The following CNTNAP2 variants were observed in gnomAD, a reference collection of about 807,000 sequenced individuals.
The protein encoded by CNTNAP2 is contactin-associated protein-like 2.
In CNTNAP2, 98 loss-of-function variants were observed where a neutral mutation model predicts 155.2. The ratio of observed to expected loss-of-function variants is 0.63; its 90% CI spans 0.54 to 0.75. The LOEUF (loss-of-function observed/expected upper bound fraction) is 0.75, where lower values mean the gene tolerates loss of function less well. Ranked by LOEUF, CNTNAP2 falls within the 30% of genes least tolerant of loss-of-function variation. CNTNAP2 has a pLI of 0.00. For synonymous variants in CNTNAP2, 651 were observed against 631.2 expected (o/e 1.03, Z -0.47); for missense variants, 1,727 against 1,688.1 (o/e 1.02, Z -0.40).
chr7:146,370,275 A>G (rs1584893229), intron 1 of CNTNAP2, among the ~76,000 whole-genome samples: 1 of 140,378 alleles, frequency 7.1e-6, no homozygotes, highest in Non-Finnish European at 1.6e-5. Context: ...AAAAAAAAAA[A>G]AAAAAAAAAA....
At chr7:146,289,583 C>T (rs1438472918) in intron 1 of CNTNAP2, among the ~76,000 whole-genome samples, 1 of 152,120 alleles carries the variant, frequency 6.6e-6, no homozygotes, top group Non-Finnish European at 1.5e-5. Flanking sequence ...TCAACAGGTA[C>T]AAGTCAAATT....
chr7:147,957,201 T>A (rs1387592187), intron 14 of CNTNAP2, among the ~76,000 whole-genome samples: 1 of 152,202 alleles, frequency 6.6e-6, no homozygotes, highest in Non-Finnish European at 1.5e-5. Context: ...TTAGCATGGG[T>A]TAGCAGAGAA....
chr7:146,782,506 T>C (rs764354252), intron 2 of CNTNAP2, among the ~76,000 whole-genome samples: 1 of 152,206 alleles, frequency 6.6e-6, no homozygotes, highest in Non-Finnish European at 1.5e-5. Flanking sequence ...AGGACAAGCA[T>C]GGGATTAGCA....
At chr7:146,541,687 T>C (rs577645945) in intron 1 of CNTNAP2, among the ~76,000 whole-genome samples, 4 of 152,008 alleles carry the variant, frequency 2.6e-5, no homozygotes, top group Admixed American at 2.6e-4. Context: ...GTAAAAGATA[T>C]ATATCCAGGG....
intron 13 of CNTNAP2, among the ~76,000 whole-genome samples, chr7:147,805,706 C>G (rs1325950835): frequency 6.6e-6 from 1 of 152,116 alleles, no homozygotes; most frequent in African/African-American, 2.4e-5. Flanking sequence ...GTCCTTCATT[C>G]TATTGATGTG....
At chr7:146,152,666 GATAAA>G (rs748021184) in intron 1 of CNTNAP2, among the ~76,000 whole-genome samples, 4 of 151,982 alleles carry the variant, frequency 2.6e-5, no homozygotes, top group Non-Finnish European at 4.4e-5. Flanking sequence ...TTTAAAATAA[GATAAA>G]ATAAAATAAT....
intron 9 of CNTNAP2, among the ~76,000 whole-genome samples, chr7:147,325,120 T>A (rs35008970): frequency 0.035 from 5,258 of 152,142 alleles, 123 homozygotes; most frequent in South Asian, 0.052. Context: ...CTGGCCAATA[T>A]GGTGAAACTC....
Position 147,829,244 on chromosome 7 carries a change from A to G in CNTNAP2, c.2099-74321A>G, listed in dbSNP as rs188667394. The stretch of plus-strand genomic sequence containing the variant: ...AGATGGGGTTGAGCAGCAGATGGAA[A>G]GATCCTGTTTAGGATATGCAGAATC... On this transcript the variant is annotated intron_variant, in intron 13 of 23. Coordinates refer to ENST00000361727, the MANE Select transcript of CNTNAP2 (RefSeq NM_014141.6). Among the ~76,000 whole-genome samples, 19 of 152,302 alleles carry G rather than the reference A, an allele frequency of 1.2e-4. No individual in the cohort carries two copies. The East Asian group carries it at 2.5e-3, about 20-fold the overall frequency.
chr7:146,600,645 T>C (rs1798936987), intron 1 of CNTNAP2, among the ~76,000 whole-genome samples: 2 of 152,186 alleles, frequency 1.3e-5, no homozygotes, highest in South Asian at 4.1e-4. Context: ...CATGCGTATG[T>C]ATTCTGTACC....
At chr7:147,587,880 G>A (rs1017128917) in intron 12 of CNTNAP2, among the ~76,000 whole-genome samples, 4 of 152,110 alleles carry the variant, frequency 2.6e-5, no homozygotes, top group Admixed American at 1.3e-4. Context: ...TTATTTAAAA[G>A]TATATTATGT....
At chr7:148,123,656 G>A (rs1804649960) in intron 16 of CNTNAP2, among the ~76,000 whole-genome samples, 2 of 149,548 alleles carry the variant, frequency 1.3e-5, no homozygotes, top group Admixed American at 1.3e-4. Context: ...AGGAAGGAAG[G>A]AAGGAAGGAA....
intron 15 of CNTNAP2, among the ~76,000 whole-genome samples, chr7:148,025,213 T>C (rs1002805544): frequency 1.3e-5 from 2 of 152,202 alleles, no homozygotes; most frequent in African/African-American, 2.4e-5. Context: ...AATATCCATA[T>C]GGTCAAAACC....
intron 18 of CNTNAP2, among the ~76,000 whole-genome samples, chr7:148,196,097 G>A (rs1254120760): frequency 1.3e-5 from 2 of 152,198 alleles, no homozygotes; most frequent in Non-Finnish European, 2.9e-5. Flanking sequence ...AACACAAACA[G>A]CATTTTTAAA....
In CNTNAP2 at chr7:146,272,581, G is replaced by A. The variant is rs78002940; in HGVS notation, c.97+155608G>A. 1.5e-3 allele frequency among the ~76,000 whole-genome samples: 222 copies of A among 152,142 alleles called. 1 individual carries two copies. The highest frequency in any genetic ancestry group is 0.014 in the Middle Eastern group (4 of 294). On this transcript the variant is annotated intron_variant, in intron 1 of 23. Coordinates refer to ENST00000361727, the MANE Select transcript of CNTNAP2 (RefSeq NM_014141.6). ...TAAGATGTGACCTATCCTTTAACTCGGCAATTCCACTATTGTGAATTAATC... is the reference window on the plus strand; with the variant it reads ...TAAGATGTGACCTATCCTTTAACTCAGCAATTCCACTATTGTGAATTAATC...
chr7:147,029,067 C>T (rs1441981759), intron 3 of CNTNAP2, among the ~76,000 whole-genome samples: 1 of 151,144 alleles, frequency 6.6e-6, no homozygotes, highest in Non-Finnish European at 1.5e-5. Context: ...GGGTTCACGC[C>T]ATTCTCCCGT....
At chr7:147,616,689 C>A (rs1801300221) in intron 12 of CNTNAP2, among the ~76,000 whole-genome samples, 1 of 152,048 alleles carries the variant, frequency 6.6e-6, no homozygotes. Flanking sequence ...ACTTACCAAG[C>A]TTTTTTTCAC....
intron 6 of CNTNAP2, among the ~76,000 whole-genome samples, chr7:147,125,581 G>C (rs1422221558): frequency 6.6e-6 from 1 of 152,208 alleles, no homozygotes; most frequent in African/African-American, 2.4e-5. Flanking sequence ...ATATTATGCT[G>C]TTGTCTTTTG....
At chr7:147,589,558 A>T (rs1800699781) in intron 12 of CNTNAP2, among the ~76,000 whole-genome samples, 1 of 152,110 alleles carries the variant, frequency 6.6e-6, no homozygotes, top group Non-Finnish European at 1.5e-5. Context: ...ATGGCATGTA[A>T]ATGTATGTCT....
intron 13 of CNTNAP2, among the ~76,000 whole-genome samples, chr7:147,674,984 G>A (rs1795845053): frequency 6.6e-6 from 1 of 151,386 alleles, no homozygotes; most frequent in Non-Finnish European, 1.5e-5. Flanking sequence ...TCCCAGGATT[G>A]CCAAAACAAA....
Sources: allele counts gnomAD v4.1 joint callset (sites outside exome capture counted in the v4.1 genomes callset), GRCh38; gene constraint gnomAD v4.1.1; transcripts MANE v1.5; gene names NCBI Gene and HGNC (gene_info 2026-07-23, HGNC 2026-07-21).